The following HIVEP3 variants were observed in gnomAD, a reference collection of about 807,000 sequenced individuals.
HIVEP3 encodes the protein HIVEP zinc finger 3.
In HIVEP3, 49 loss-of-function variants were observed where a neutral mutation model predicts 152.8. That is an observed-to-expected ratio of 0.32 (90% CI 0.26 to 0.41). The LOEUF is 0.41. HIVEP3 is among the 10% of genes least tolerant of loss of function. The pLI is 1.00. For missense variants in HIVEP3, 2,790 were observed against 3,103.3 expected, an observed-to-expected ratio of 0.90 and a Z score of 2.40; for synonymous variants, 1,269 against 1,289.0, an observed-to-expected ratio of 0.98 and a Z score of 0.33.
At chr1:41,650,053 T>A (rs1204988998) in intron 2 of HIVEP3, among the ~76,000 whole-genome samples, 1 of 151,742 alleles carries the variant, frequency 6.6e-6, no homozygotes, top group Non-Finnish European at 1.5e-5. Flanking sequence ...ATGACCCAAA[T>A]CCTTAAGATT....
intron 5 of HIVEP3, among the ~76,000 whole-genome samples, chr1:41,541,637 T>C (rs777934243): frequency 6.6e-6 from 1 of 152,164 alleles, no homozygotes; most frequent in Non-Finnish European, 1.5e-5. Context: ...TGGGTCATGC[T>C]CTCCAGGTCC....
At chr1:41,932,691 G>A (rs1301610988) in intron 1 of HIVEP3, among the ~76,000 whole-genome samples, 4 of 151,294 alleles carry the variant, frequency 2.6e-5, no homozygotes, top group Admixed American at 2.6e-4. Flanking sequence ...CTCTTATTAT[G>A]TTCTTCCTTC....
intron 7 of HIVEP3, among the ~76,000 whole-genome samples, chr1:41,514,455 T>C (rs1249005968): frequency 6.6e-6 from 1 of 152,206 alleles, no homozygotes; most frequent in Non-Finnish European, 1.5e-5. Context: ...TCTGCCACGG[T>C]GACCAGGCTC....
chr1:41,959,807 C>A (rs1305209322), intron 1 of HIVEP3, among the ~76,000 whole-genome samples: 3 of 152,136 alleles, frequency 2.0e-5, no homozygotes, highest in Non-Finnish European at 4.4e-5. Context: ...ATGTGTCCAC[C>A]AAGGAACACA....
intron 1 of HIVEP3, among the ~76,000 whole-genome samples, chr1:41,924,270 A>C (rs986302388): frequency 6.6e-6 from 1 of 152,148 alleles, no homozygotes; most frequent in Non-Finnish European, 1.5e-5. Context: ...CTCCGGAGGG[A>C]GCATAGCCCT....
intron 1 of HIVEP3, among the ~76,000 whole-genome samples, chr1:41,812,308 A>G (rs1651008863): frequency 6.6e-6 from 1 of 152,180 alleles, no homozygotes; most frequent in African/African-American, 2.4e-5. Flanking sequence ...GCAGTGGCTC[A>G]TGCCTGTAAT....
At chr1:41,855,396 C>T (rs543506607) in intron 1 of HIVEP3, among the ~76,000 whole-genome samples, 6 of 152,184 alleles carry the variant, frequency 3.9e-5, no homozygotes, top group South Asian at 2.1e-4. Context: ...AAAGAAACTA[C>T]CATCAGAGTG....
At chr1:41,528,298 CCTCACA>C (rs1643081872) in intron 5 of HIVEP3, among the ~76,000 whole-genome samples, 2 of 135,036 alleles carry the variant, frequency 1.5e-5, no homozygotes, top group Non-Finnish European at 3.2e-5. Context: ...CCACACTCAC[CCTCACA>C]CTCACCTTCA....
chr1:41,915,084 C>A (rs1177739248), intron 1 of HIVEP3, among the ~76,000 whole-genome samples: 1 of 152,106 alleles, frequency 6.6e-6, no homozygotes, highest in Non-Finnish European at 1.5e-5. Context: ...ATCCAGAAAC[C>A]TCACAGGTGC....
chr1:41,552,618 T>C (rs1277101648), intron 5 of HIVEP3, among the ~76,000 whole-genome samples: 1 of 149,488 alleles, frequency 6.7e-6, no homozygotes, highest in African/African-American at 2.5e-5. Context: ...AGTCTATCAT[T>C]GTTGGACATT....
chr1:41,690,325 GA>G (rs1230886362), intron 2 of HIVEP3, among the ~76,000 whole-genome samples: 3 of 152,238 alleles, frequency 2.0e-5, no homozygotes, highest in Non-Finnish European at 4.4e-5. Flanking sequence ...AGGGGCAGGG[GA>G]TGGCTGGGTG....
chr1:41,593,394 T>G (rs1193900114), intron 3 of HIVEP3, among the ~76,000 whole-genome samples: 1 of 152,238 alleles, frequency 6.6e-6, no homozygotes, highest in Non-Finnish European at 1.5e-5. Context: ...CTGTATTCCA[T>G]TTTTGGCTGT....
chr1:41,732,166 G>C (rs1023287005), intron 1 of HIVEP3, among the ~76,000 whole-genome samples: 1 of 152,182 alleles, frequency 6.6e-6, no homozygotes, highest in African/African-American at 2.4e-5. Flanking sequence ...AGTTCTGAGA[G>C]AGGGGACCAC....
chr1:41,628,173 A>T (rs1645144449), intron 3 of HIVEP3, among the ~76,000 whole-genome samples: 2 of 152,198 alleles, frequency 1.3e-5, no homozygotes, highest in South Asian at 4.1e-4. Context: ...CTGCTATTGA[A>T]ATTGCTGAAA....
chr1:41,644,176 G>A (rs568235452), intron 2 of HIVEP3, among the ~76,000 whole-genome samples: 4 of 152,148 alleles, frequency 2.6e-5, no homozygotes, highest in South Asian at 2.1e-4. Context: ...GTGAGCCACC[G>A]TGCCTGGCAA....
intron 1 of HIVEP3, among the ~76,000 whole-genome samples, chr1:41,706,561 C>G (rs567726501): frequency 1.3e-5 from 2 of 152,310 alleles, no homozygotes; most frequent in South Asian, 4.1e-4. Flanking sequence ...GGATTACAGG[C>G]GTAAGCCACC....
At chr1:41,632,174 A>G (rs1645204692) in intron 2 of HIVEP3, among the ~76,000 whole-genome samples, 1 of 151,596 alleles carries the variant, frequency 6.6e-6, no homozygotes. Context: ...ATTCTGACTC[A>G]CTCCCTCACC....
rs147403376 is a variant in HIVEP3, at chr1:41,583,370, C to T, written c.1428G>A (p.Val476=). The change falls in exon 4 of 9, where the codon GTG becomes GTA. Residue 476 remains valine, a synonymous_variant. Coordinates refer to ENST00000372583, the MANE Select transcript of HIVEP3 (RefSeq NM_024503.5). This position sits in a 1 kb window ranked among gnomAD's most constrained non-coding sequence, Gnocchi z 6.9. ...TCACGCTGTCGATCTCGCTGGTGTC[C>T]ACCACGGCCTCGTTGATGGTGATGA... ...TKLITINEAV[V]DTSEIDSVKP... The T allele has an allele frequency of 1.4e-5, 22 of 1,612,938 alleles. No homozygotes were observed. Among genetic ancestry groups the T allele is most frequent in the Non-Finnish European group, 1.8e-5 (21 of 1,179,470 alleles).
At chr1:41,850,138 A>C (rs1643556480) in intron 1 of HIVEP3, among the ~76,000 whole-genome samples, 1 of 152,220 alleles carries the variant, frequency 6.6e-6, no homozygotes, top group Non-Finnish European at 1.5e-5. Flanking sequence ...GGAGGCTGAC[A>C]GCTAGAGTTT....
Sources: allele counts gnomAD v4.1 joint callset (sites outside exome capture counted in the v4.1 genomes callset), GRCh38; gene constraint gnomAD v4.1.1; non-coding constraint Gnocchi (gnomAD v3.1); transcripts MANE v1.5; gene names NCBI Gene and HGNC (gene_info 2026-07-23, HGNC 2026-07-21).